UFC1: variants seen among roughly 807,000 people sequenced by gnomAD.
UFC1 encodes ubiquitin-fold modifier-conjugating enzyme 1.
In UFC1, 22 loss-of-function variants were observed where a neutral mutation model predicts 28.0. The observed-to-expected ratio is 0.78, with a 90% CI of 0.56 to 1.12. The LOEUF (loss-of-function observed/expected upper bound fraction) is 1.12, where lower values mean the gene tolerates loss of function less well. Ranked by LOEUF, UFC1 falls within the 50% of genes most tolerant of loss-of-function variation. UFC1 has a pLI of 0.00. For synonymous variants in UFC1, 61 were observed against 74.5 expected, an observed-to-expected ratio of 0.82 and a Z score of 0.93; for missense variants, 189 against 207.8, an observed-to-expected ratio of 0.91 and a Z score of 0.56.
intron 3 of UFC1, 31 bp from the exon 4 acceptor site, chr1:161,157,584 TTC>T (rs951363500): frequency 6.3e-6 from 10 of 1,583,920 alleles, no homozygotes; most frequent in Admixed American, 1.7e-5. Context: ...TCTATCCTGA[TTC>T]TGTTTTATTA....
intron 1 of UFC1, among the ~76,000 whole-genome samples, chr1:161,156,326 C>T (rs1271119596): frequency 1.3e-5 from 2 of 150,036 alleles, no homozygotes; most frequent in Non-Finnish European, 3.0e-5. Context: ...GTCAGGAGAT[C>T]GAGACCATCC....
chr1:161,155,088 C>T (rs1343766643), intron 1 of UFC1, among the ~76,000 whole-genome samples: 3 of 152,020 alleles, frequency 2.0e-5, no homozygotes, highest in African/African-American at 4.8e-5. Context: ...AAAACCAGAT[C>T]ATTATAATAC....
At chr1:161,155,278 A>G (rs761575445) in intron 1 of UFC1, among the ~76,000 whole-genome samples, 5 of 152,238 alleles carry the variant, frequency 3.3e-5, no homozygotes, top group Non-Finnish European at 7.3e-5. Context: ...CTGATAAAAC[A>G]TAAGAGTAGA....
At chr1:161,157,485 A>G in intron 3 of UFC1, 132 bp from the exon 4 acceptor site, 2 of 1,249,568 alleles carry the variant, frequency 1.6e-6, no homozygotes, top group African/African-American at 1.5e-5. Flanking sequence ...CCACATCCAG[A>G]ATCCTGGTAT....
chr1:161,157,942 T>A, intron 4 of UFC1, 179 bp from the exon 5 acceptor site: 1 of 647,100 alleles, frequency 1.5e-6, no homozygotes, highest in South Asian at 2.0e-5. Flanking sequence ...AGGCAGAGAT[T>A]TTCCCAGGGT....
At position 161,158,764 on chromosome 1, in the gene UFC1, G is replaced by A. The variant is rs1657638402; in HGVS notation, c.*272G>A. ...TCCGCCCCCAGGTGGAGCAACATGC[G>A]ATTCTGGAGGCACGGGGGTAACTGA... On this transcript the variant is annotated 3_prime_UTR_variant, in exon 6 of 6. Coordinates refer to ENST00000368003, the MANE Select transcript of UFC1 (RefSeq NM_016406.4). 2 of 461,802 alleles carry A rather than the reference G, an allele frequency of 4.3e-6. No homozygotes were observed. The highest frequency in any genetic ancestry group is 3.4e-5 in the Admixed American group (1 of 29,814). The allele number at this position is 461,802 out of a possible 1,614,324, so 28.6% of individuals were successfully genotyped here. A position where few individuals can be genotyped will look rare whatever the true frequency, so the allele number is the denominator to read the frequency against.
rs745738273 is a variant in UFC1, at chr1:161,156,967, G to C, written c.141G>C (p.Lys47Asn). The change falls in exon 2 of 6, where the codon AAG becomes AAC. Residue 47 changes from lysine to asparagine, a missense_variant. Transcript: ENST00000368003. ...GCTTTCAGTATGTGGAGAACAACAA[G>C]AATGCTGACAACGATTGGTTCCGAC... ...QSLIRYVENNKNADNDWFRLE... is the reference protein window; with the variant it reads ...QSLIRYVENNNNADNDWFRLE... The C allele has an allele frequency of 1.1e-5, 18 of 1,614,106 alleles. No individual in the cohort carries two copies. In the South Asian group the frequency reaches 1.8e-4, roughly 16 times the overall value.
At chr1:161,157,054 C>CAT (rs777489287) in intron 2 of UFC1, 37 bp downstream of exon 2, 11 of 1,602,360 alleles carry the variant, frequency 6.9e-6, no homozygotes, top group Non-Finnish European at 8.5e-6. Flanking sequence ...GGGTGGGAGT[C>CAT]TTATATGAGT....
intron 1 of UFC1, among the ~76,000 whole-genome samples, chr1:161,156,375 A>AG (rs2101789669): frequency 6.6e-6 from 1 of 151,574 alleles, no homozygotes; most frequent in African/African-American, 2.4e-5. Context: ...CTAAAAAAAA[A>AG]AAAAATACAA....
At position 161,158,280 on chromosome 1, in the gene UFC1, G is replaced by A. The variant is rs1428919582; in HGVS notation, c.423+69G>A. 4 of 1,585,408 alleles carry A rather than the reference G, an allele frequency of 2.5e-6. No individual in the cohort carries two copies. The African/African-American group carries it at 4.0e-5, about 16-fold the overall frequency. ...GGCCCTGAGCAGTACAAGAAAAGCA[G>A]CTAAGAATAAAAGGAATAACAGTGA... is the stretch of plus-strand genomic sequence containing the variant. On this transcript the variant is annotated intron_variant, in intron 5 of 5. Transcript: ENST00000368003.
chr1:161,157,737 A>G (rs1272729521), intron 4 of UFC1, 44 bp downstream of exon 4: 1 of 1,555,902 alleles, frequency 6.4e-7, no homozygotes, highest in East Asian at 2.3e-5. Context: ...GAAAGCCTTA[A>G]GGAAGAACTT....
chr1:161,158,063 C>G, intron 4 of UFC1, 58 bp from the exon 5 acceptor site: 1 of 1,434,160 alleles, frequency 7.0e-7, no homozygotes, highest in Non-Finnish European at 9.8e-7. Context: ...CCCCAAGAGG[C>G]TGCTGTGCTT....
chr1:161,157,696 A>G lies in UFC1; in HGVS notation c.332+3A>G, dbSNP rs747595471. 3.1e-6 allele frequency: 5 copies of G among 1,612,972 alleles called. No individual in the cohort carries two copies. In the South Asian group the frequency reaches 5.5e-5, roughly 18 times the overall value. On this transcript the variant is annotated splice_donor_region_variant and intron_variant, in intron 4 of 5. Transcript: ENST00000368003. ...GGAAAGACAGCAAAGATGTACAGGTAGGACTGAATAGGAGATGGCAAAGAG... is the reference window on the plus strand; with the variant it reads ...GGAAAGACAGCAAAGATGTACAGGTGGGACTGAATAGGAGATGGCAAAGAG...
At chr1:161,157,102 G>GC in intron 2 of UFC1, 85 bp downstream of exon 2, 1 of 1,506,168 alleles carries the variant, frequency 6.6e-7, no homozygotes, top group Non-Finnish European at 9.2e-7. Flanking sequence ...TACCAAAGCT[G>GC]CCCTGTCACA....
At chr1:161,157,452 G>A (rs1338653935) in intron 3 of UFC1, 135 bp downstream of exon 3, 1 of 1,336,502 alleles carries the variant, frequency 7.5e-7, no homozygotes, top group East Asian at 2.3e-5. Context: ...TTTGAGGCAA[G>A]CATAAGTTAT....
rs1437389815 is a variant in UFC1 at position 161,157,325 on chromosome 1, T to A, written c.255+8T>A. 1.2e-6 allele frequency: 2 copies of A among 1,614,150 alleles called. No homozygotes were observed. Among genetic ancestry groups the A allele is most frequent in the Admixed American group, 3.3e-5 (2 of 60,030 alleles). On this transcript the variant is annotated splice_region_variant and intron_variant, in intron 3 of 5. Transcript: ENST00000368003. The stretch of plus-strand genomic sequence containing the variant: ...TTTGACATCGAGTTTGACGTGAGTG[T>A]GATAGAGTGGGAAATATGAAGGTTA...
chr1:161,156,980 G>T lies in UFC1; in HGVS notation c.154G>T (p.Asp52Tyr). 6.2e-7 allele frequency: 1 copy of T among 1,614,214 alleles called. No homozygotes were observed. ...YVENNKNADN[D>Y]WFRLESNKEG... ...GGAGAACAACAAGAATGCTGACAAC[G>T]ATTGGTTCCGACTGGAGTCCAACAA... The change falls in exon 2 of 6, where the codon GAT becomes TAT. Residue 52 changes from aspartate to tyrosine, a missense_variant. Coordinates refer to ENST00000368003, the MANE Select transcript of UFC1 (RefSeq NM_016406.4).
In UFC1 at chr1:161,158,767, T is replaced by A. The variant is rs1214404258; in HGVS notation, c.*275T>A. The A allele has an allele frequency of 1.3e-5, 6 of 461,740 alleles. No homozygotes were observed. Among genetic ancestry groups the A allele is most frequent in the Non-Finnish European group, 2.4e-5 (6 of 250,728 alleles). 28.6% of individuals were successfully genotyped at this position (461,740 alleles called of 1,614,324 possible). On this transcript the variant is annotated 3_prime_UTR_variant, in exon 6 of 6. Coordinates refer to ENST00000368003, the MANE Select transcript of UFC1 (RefSeq NM_016406.4). Reference sequence around the variant, plus strand: ...GCCCCCAGGTGGAGCAACATGCGATTCTGGAGGCACGGGGGTAACTGAAAG... The same window carrying A: ...GCCCCCAGGTGGAGCAACATGCGATACTGGAGGCACGGGGGTAACTGAAAG...
At chr1:161,156,625 T>C (rs1311475956) in intron 1 of UFC1, among the ~76,000 whole-genome samples, 3 of 150,688 alleles carry the variant, frequency 2.0e-5, no homozygotes, top group Non-Finnish European at 4.4e-5. Context: ...GTTGATCACC[T>C]GGGGTCAGGA....
Sources: gnomAD v4.1 joint callset for allele counts (sites outside exome capture counted in the v4.1 genomes callset) on GRCh38, gnomAD v4.1.1 for gene constraint, MANE v1.5 for transcripts, NCBI Gene and HGNC (gene_info 2026-07-23, HGNC 2026-07-21) for gene names.